Variants in SRPK2 observed in about 807,000 individuals in gnomAD.
SRPK2 encodes the protein SFRS protein kinase 2.
A neutral mutation model predicts 90.8 loss-of-function variants in SRPK2; 21 were observed. The observed-to-expected ratio is 0.23, with a 90% CI of 0.16 to 0.33. The LOEUF (loss-of-function observed/expected upper bound fraction) is 0.33. Ranked by LOEUF, SRPK2 falls within the 10% of genes least tolerant of loss-of-function variation. The pLI is 1.00. For synonymous variants in SRPK2, 288 were observed against 311.1 expected, an observed-to-expected ratio of 0.93 and a Z score of 0.78; for missense variants, 620 against 869.0, an observed-to-expected ratio of 0.71 and a Z score of 3.60.
intron 2 of SRPK2, among the ~76,000 whole-genome samples, chr7:105,321,469 G>A (rs1812931516): frequency 6.6e-6 from 1 of 152,020 alleles, no homozygotes; most frequent in Non-Finnish European, 1.5e-5. Context: ...AGAAAAAACT[G>A]TAAAATGAAC....
intron 2 of SRPK2, among the ~76,000 whole-genome samples, chr7:105,267,414 C>T (rs936539949): frequency 6.6e-6 from 1 of 152,190 alleles, no homozygotes; most frequent in Admixed American, 6.5e-5. Flanking sequence ...ACTATGCACA[C>T]CACCCTCTTC....
intron 3 of SRPK2, among the ~76,000 whole-genome samples, chr7:105,194,874 C>T (rs1794729122): frequency 6.6e-6 from 1 of 152,020 alleles, no homozygotes; most frequent in Non-Finnish European, 1.5e-5. Flanking sequence ...AAACAAACCC[C>T]CATACATTCT....
At chr7:105,337,689 G>A (rs1180684303) in intron 2 of SRPK2, among the ~76,000 whole-genome samples, 1 of 152,092 alleles carries the variant, frequency 6.6e-6, no homozygotes, top group African/African-American at 2.4e-5. Flanking sequence ...GGCACAGTGA[G>A]ACAGAAGGCA....
chr7:105,249,896 A>C (rs1049095815), intron 2 of SRPK2, among the ~76,000 whole-genome samples: 4 of 152,250 alleles, frequency 2.6e-5, no homozygotes, highest in Admixed American at 2.6e-4. Flanking sequence ...TCCTCCTAAT[A>C]ATCTATTCTT....
intron 2 of SRPK2, among the ~76,000 whole-genome samples, chr7:105,329,538 G>A (rs1814019857): frequency 6.6e-6 from 1 of 150,616 alleles, no homozygotes; most frequent in Non-Finnish European, 1.5e-5. Flanking sequence ...AGGCTGCAGT[G>A]AGCCGAGATC....
downstream of SRPK2, among the ~76,000 whole-genome samples, chr7:105,115,007 A>C (rs1799546155): frequency 6.6e-6 from 1 of 152,240 alleles, no homozygotes; most frequent in Non-Finnish European, 1.5e-5. Context: ...AAATAAAAAT[A>C]TTCTTCTTAA....
At chr7:105,331,334 A>AAAAAAAAAAAAAAG (rs1563248718) in intron 2 of SRPK2, among the ~76,000 whole-genome samples, 1 of 145,940 alleles carries the variant, frequency 6.9e-6, no homozygotes, top group Non-Finnish European at 1.5e-5. Context: ...AAAAAAAAAA[A>AAAAAAAAAAAAAAG]AAACAAATAG....
chr7:105,125,679 T>C, intron 15 of SRPK2: 1 of 403,648 alleles, frequency 2.5e-6, no homozygotes, highest in African/African-American at 2.1e-5. Flanking sequence ...AATTCCCCAG[T>C]TGTGAAACTC....
At chr7:105,282,577 C>T (rs1807491734) in intron 2 of SRPK2, among the ~76,000 whole-genome samples, 1 of 152,096 alleles carries the variant, frequency 6.6e-6, no homozygotes, top group Non-Finnish European at 1.5e-5. Flanking sequence ...CCAAGGTGGG[C>T]GGATCACTTG....
intron 3 of SRPK2, among the ~76,000 whole-genome samples, chr7:105,182,025 T>TC (rs937095137): frequency 1.3e-5 from 2 of 151,508 alleles, no homozygotes; most frequent in African/African-American, 4.8e-5. Flanking sequence ...GGTCAGGAGT[T>TC]CAAGACCAGC....
chr7:105,306,507 T>C (rs1455499617), intron 2 of SRPK2: 2 of 455,174 alleles, frequency 4.4e-6, no homozygotes, highest in Non-Finnish European at 4.4e-6. Context: ...AACACTTCCT[T>C]TGAAATCTCA....
intron 2 of SRPK2, among the ~76,000 whole-genome samples, chr7:105,312,665 T>C (rs75071319): frequency 0.031 from 4,650 of 152,248 alleles, 246 homozygotes; most frequent in African/African-American, 0.1. Context: ...AATCCATAAG[T>C]CACTTAATTC....
chr7:105,128,474 T>A (rs1243863142), intron 13 of SRPK2, among the ~76,000 whole-genome samples: 1 of 152,128 alleles, frequency 6.6e-6, no homozygotes, highest in Non-Finnish European at 1.5e-5. Context: ...GAAAACCTCA[T>A]AACTGGCCCC....
chr7:105,246,385 G>A (rs1306237629), intron 2 of SRPK2, among the ~76,000 whole-genome samples: 1 of 152,178 alleles, frequency 6.6e-6, no homozygotes. Flanking sequence ...ACAAGATAAT[G>A]AGTTTGGTTT....
chr7:105,397,112 G>A (rs1315756039), intron 1 of SRPK2, among the ~76,000 whole-genome samples: 1 of 151,992 alleles, frequency 6.6e-6, no homozygotes, highest in Non-Finnish European at 1.5e-5. Flanking sequence ...CCGCCTCATG[G>A]GTACAAGCAA....
chr7:105,291,044 C>CAAAAAAAAAAA (rs10684672), intron 2 of SRPK2, among the ~76,000 whole-genome samples: 3 of 83,782 alleles, frequency 3.6e-5, no homozygotes, highest in Admixed American at 1.5e-4. Flanking sequence ...GACTCCGTCT[C>CAAAAAAAAAAA]AAAAAAAAAA....
chr7:105,376,722 G>A (rs983218257), intron 2 of SRPK2, among the ~76,000 whole-genome samples: 1 of 151,288 alleles, frequency 6.6e-6, no homozygotes, highest in Non-Finnish European at 1.5e-5. Flanking sequence ...ATTTTTAGTA[G>A]AGATGGGGTT....
intron 2 of SRPK2, among the ~76,000 whole-genome samples, chr7:105,245,457 G>T (rs1473249624): frequency 6.6e-6 from 1 of 152,170 alleles, no homozygotes; most frequent in African/African-American, 2.4e-5. Context: ...CCTGTTTTAA[G>T]CTATATTAAT....
chr7:105,128,237 G>C (rs1422061753), intron 13 of SRPK2, among the ~76,000 whole-genome samples: 3 of 152,198 alleles, frequency 2.0e-5, no homozygotes, highest in African/African-American at 7.2e-5. Context: ...GCTTCCAGCT[G>C]ACCGAGCGAT....
Sources: gnomAD v4.1 joint callset for allele counts (sites outside exome capture counted in the v4.1 genomes callset) on GRCh38, gnomAD v4.1.1 for gene constraint, MANE v1.5 for transcripts, NCBI Gene and HGNC (gene_info 2026-07-23, HGNC 2026-07-21) for gene names.